RTL4: variants seen among roughly 807,000 people sequenced by gnomAD.
RTL4 encodes the protein retrotransposon Gag like 4, also known as retrotransposon Gag-like protein 4.
A neutral mutation model predicts 5.3 loss-of-function variants in RTL4; 4 were observed. The observed-to-expected ratio is 0.75, with a 90% CI of 0.37 to 1.72. The LOEUF is 1.72. Ranked by LOEUF, RTL4 falls within the 40% of genes most tolerant of loss-of-function variation. The pLI, the probability that RTL4 is intolerant of heterozygous loss-of-function variation, is 0.04. For missense variants in RTL4, 260 were observed against 227.1 expected (o/e 1.14, Z -0.93); for synonymous variants, 98 against 87.3 (o/e 1.12, Z -0.68).
the RTL4 span, among the ~76,000 whole-genome samples, chrX:112,327,980 C>A: frequency 5.6e-5 from 6 of 106,763 alleles, no homozygotes; most frequent in African/African-American, 2.1e-4. Flanking sequence ...ACCACCAGGC[C>A]TGCCCTAAAA....
chrX:112,195,402 T>C, the RTL4 span, among the ~76,000 whole-genome samples: 1,720 of 112,233 alleles, frequency 0.015, 19 homozygotes, highest in Non-Finnish European at 0.023. Flanking sequence ...ATTTCATTTA[T>C]TGCTTTGTCC....
At chrX:112,097,660 T>A in the RTL4 span, among the ~76,000 whole-genome samples, 1 of 111,166 alleles carries the variant, frequency 9.0e-6, no homozygotes, top group Admixed American at 9.5e-5. Flanking sequence ...CAAAGTATAA[T>A]GTCTGTTTCC....
chrX:112,183,119 A>G, the RTL4 span, among the ~76,000 whole-genome samples: 1 of 112,356 alleles, frequency 8.9e-6, no homozygotes, highest in Middle Eastern at 4.6e-3. Context: ...ATGCTGAGAT[A>G]TTTTGTCACC....
the RTL4 span, among the ~76,000 whole-genome samples, chrX:112,278,910 A>G: frequency 8.9e-6 from 1 of 112,065 alleles, no homozygotes; most frequent in Admixed American, 9.5e-5. Flanking sequence ...GATGATTTAA[A>G]AAGAAGAAAA....
chrX:112,278,974 C>A, the RTL4 span, among the ~76,000 whole-genome samples: 2 of 110,840 alleles, frequency 1.8e-5, no homozygotes, highest in African/African-American at 6.5e-5. Context: ...AACATAACAG[C>A]AAAAATGAGT....
the RTL4 span, among the ~76,000 whole-genome samples, chrX:112,124,581 A>C: frequency 9.1e-6 from 1 of 109,539 alleles, no homozygotes; most frequent in Non-Finnish European, 1.9e-5. Context: ...GGAACAGAAA[A>C]CCAATCATCT....
the RTL4 span, among the ~76,000 whole-genome samples, chrX:112,377,366 A>T: frequency 8.9e-6 from 1 of 111,956 alleles, no homozygotes; most frequent in African/African-American, 3.2e-5. Context: ...CATGCTCAGG[A>T]CACTTAGCCT....
the RTL4 span, among the ~76,000 whole-genome samples, chrX:112,371,077 A>G: frequency 9.0e-6 from 1 of 110,951 alleles, no homozygotes; most frequent in Non-Finnish European, 1.9e-5. Context: ...TTCACAAGAC[A>G]GGGGTGCAGA....
Position 112,454,533 on chromosome X carries a change from T to A in RTL4, c.-196T>A. On this transcript the variant is annotated 5_prime_UTR_variant, in exon 1 of 1. The change creates a new upstream start codon in the 5' untranslated region. Coordinates refer to ENST00000340433, the Ensembl canonical transcript of RTL4. The stretch of plus-strand genomic sequence containing the variant: ...CCTTTTCCATGAAGAAGAGGCAACA[T>A]TGAGTGGCGGACAACACTTTTTGGC... The A allele has an allele frequency of 5.1e-6, 2 of 390,612 alleles. No individual in the cohort carries two copies. Among genetic ancestry groups the A allele is most frequent in the Non-Finnish European group, 8.9e-6 (2 of 225,976 alleles). The allele number at this position is 390,612 out of a possible 1,213,427, so 32.2% of individuals were successfully genotyped here. A position where few individuals can be genotyped will look rare whatever the true frequency, so the allele number is the denominator to read the frequency against.
At chrX:112,091,032 CTTG>C in the RTL4 span, among the ~76,000 whole-genome samples, 2 of 110,575 alleles carry the variant, frequency 1.8e-5, no homozygotes, top group African/African-American at 3.3e-5. Context: ...TATCTAATTT[CTTG>C]TTGTATAATT....
chrX:112,419,574 A>AGTGT, the RTL4 span, among the ~76,000 whole-genome samples: 15 of 8,557 alleles, frequency 1.8e-3, no homozygotes, highest in South Asian at 0.17. Flanking sequence ...TGGCCAAGGT[A>AGTGT]GTATATATAT....
At chrX:112,310,412 AT>A in the RTL4 span, among the ~76,000 whole-genome samples, 1 of 53,607 alleles carries the variant, frequency 1.9e-5, no homozygotes, top group Admixed American at 2.3e-4. Context: ...ATATATATAT[AT>A]ATTTAATATA....
chrX:112,348,426 C>T, the RTL4 span, among the ~76,000 whole-genome samples: 1 of 106,572 alleles, frequency 9.4e-6, no homozygotes, highest in Non-Finnish European at 1.9e-5. Context: ...TCTTTAGTCT[C>T]ATTTTCTCCT....
chrX:112,343,533 A>C, the RTL4 span, among the ~76,000 whole-genome samples: 1 of 112,265 alleles, frequency 8.9e-6, no homozygotes, highest in Non-Finnish European at 1.9e-5. Flanking sequence ...TTGTTTGGAG[A>C]AATGCTGGGT....
chrX:112,431,131 A>T, the RTL4 span, among the ~76,000 whole-genome samples: 1 of 109,793 alleles, frequency 9.1e-6, no homozygotes, highest in African/African-American at 3.3e-5. Context: ...AGGATGACTG[A>T]AGGGGTTTGG....
the RTL4 span, among the ~76,000 whole-genome samples, chrX:112,129,094 C>T: frequency 4.5e-5 from 5 of 111,802 alleles, no homozygotes; most frequent in African/African-American, 3.2e-5. Context: ...AGATATTCAA[C>T]ATCATTAGTT....
At chrX:112,182,544 A>G in the RTL4 span, among the ~76,000 whole-genome samples, 10 of 112,028 alleles carry the variant, frequency 8.9e-5, no homozygotes, top group African/African-American at 2.9e-4. Context: ...ACCCAAATCA[A>G]TCAAGTGGAA....
At chrX:112,437,525 A>AATAT in the RTL4 span, among the ~76,000 whole-genome samples, 2 of 108,674 alleles carry the variant, frequency 1.8e-5, no homozygotes, top group South Asian at 3.9e-4. Flanking sequence ...CTTTGTACCC[A>AATAT]ATATATATAT....
chrX:112,113,112 T>C, the RTL4 span, among the ~76,000 whole-genome samples: 5 of 111,695 alleles, frequency 4.5e-5, no homozygotes, highest in African/African-American at 1.3e-4. Flanking sequence ...AACAGTATCC[T>C]GTAATCCTTT....
Sources: allele counts gnomAD v4.1 joint callset (sites outside exome capture counted in the v4.1 genomes callset), GRCh38; gene constraint gnomAD v4.1.1; transcripts MANE v1.5; gene names NCBI Gene and HGNC (gene_info 2026-07-23, HGNC 2026-07-21).